The following NUDCD3 variants were observed in gnomAD, a reference collection of about 807,000 sequenced individuals.
NUDCD3 encodes the protein nudC domain-containing protein 3.
A neutral mutation model predicts 39.7 loss-of-function variants in NUDCD3; 13 were observed. That is an observed-to-expected ratio of 0.33 (90% confidence interval 0.21 to 0.52). The LOEUF (loss-of-function observed/expected upper bound fraction) is 0.52. Among genes scored for constraint, NUDCD3 ranks in the 20% least tolerant of loss-of-function variants. NUDCD3 has a pLI of 0.96. For missense variants in NUDCD3, 453 were observed against 458.1 expected, an observed-to-expected ratio of 0.99 and a Z score of 0.10; for synonymous variants, 175 against 172.4, an observed-to-expected ratio of 1.02 and a Z score of -0.12.
At chr7:44,412,939 AAAAG>A (rs1315967946) in intron 3 of NUDCD3, among the ~76,000 whole-genome samples, 12 of 145,946 alleles carry the variant, frequency 8.2e-5, no homozygotes, top group African/African-American at 3.2e-4. Flanking sequence ...AAAAAAAAAA[AAAAG>A]AAAAAAAAAA....
intron 2 of NUDCD3, among the ~76,000 whole-genome samples, chr7:44,475,771 A>C (rs1800356350): frequency 3.9e-5 from 6 of 152,158 alleles, no homozygotes; most frequent in Admixed American, 3.3e-4. Context: ...TGTCTCAAAA[A>C]AGAAAAGGGA....
chr7:44,430,526 A>G (rs1464042796), intron 2 of NUDCD3, among the ~76,000 whole-genome samples: 1 of 151,788 alleles, frequency 6.6e-6, no homozygotes, highest in African/African-American at 2.4e-5. Context: ...AAAAAAGTCA[A>G]AATTGTGAAA....
At chr7:44,479,402 G>A (rs940508969) in intron 2 of NUDCD3, among the ~76,000 whole-genome samples, 9 of 152,118 alleles carry the variant, frequency 5.9e-5, no homozygotes, top group African/African-American at 1.9e-4. Flanking sequence ...TGCATATATA[G>A]AGGCAGGAGG....
intron 5 of NUDCD3, among the ~76,000 whole-genome samples, chr7:44,387,259 C>T (rs1044516792): frequency 6.6e-6 from 1 of 152,206 alleles, no homozygotes; most frequent in Non-Finnish European, 1.5e-5. Context: ...CTCCTGGGCT[C>T]AAGCGATCCT....
At chr7:44,430,736 C>T (rs962059978) in intron 2 of NUDCD3, among the ~76,000 whole-genome samples, 5 of 152,128 alleles carry the variant, frequency 3.3e-5, no homozygotes, top group Non-Finnish European at 5.9e-5. Flanking sequence ...TCCTTGGGGA[C>T]GCTGCCGCCA....
At position 44,392,420 on chromosome 7, in the gene NUDCD3, G is replaced by A; in HGVS notation, c.852C>T (p.Asp284=). 1 of 1,614,176 alleles carries A rather than the reference G, an allele frequency of 6.2e-7. No individual in the cohort carries two copies. The change falls in exon 5 of 6, where the codon GAC becomes GAT. Residue 284 remains aspartate, a synonymous_variant. Coordinates refer to ENST00000355451, the MANE Select transcript of NUDCD3 (RefSeq NM_015332.4). ...AGCGCTCCTTGTTGATCTTGTCAAT[G>A]TCGATGGGCTCTTCTCCCTCCAGGA... The part of the protein sequence containing the change: ...NAILEGEEPI[D]IDKINKERSM...
intron 3 of NUDCD3, among the ~76,000 whole-genome samples, chr7:44,416,149 T>C (rs1799017703): frequency 6.6e-6 from 1 of 152,144 alleles, no homozygotes; most frequent in Admixed American, 6.5e-5. Flanking sequence ...AGTGGCACAA[T>C]CACAGTTCGC....
At chr7:44,455,486 C>T (rs995460212) in intron 2 of NUDCD3, among the ~76,000 whole-genome samples, 11 of 152,102 alleles carry the variant, frequency 7.2e-5, no homozygotes, top group African/African-American at 2.7e-4. Context: ...CTTCCACAAG[C>T]TCCTCACACA....
intron 3 of NUDCD3, among the ~76,000 whole-genome samples, chr7:44,409,651 G>C (rs1178227688): frequency 6.6e-6 from 1 of 151,860 alleles, no homozygotes; most frequent in East Asian, 1.9e-4. Context: ...TGTCCCTGAG[G>C]AAGCCCACAT....
Position 44,408,505 on chromosome 7 carries a change from G to A in NUDCD3, c.643-3922C>T, listed in dbSNP as rs1466988245. ...TTTTTGATAACAAGATAAAAAAGAA[G>A]GGCAGCAAGAACCCTCAGGAAAACA... is the stretch of plus-strand genomic sequence containing the variant. On this transcript the variant is annotated intron_variant, in intron 3 of 5. Transcript: ENST00000355451. Among the ~76,000 whole-genome samples, 4 of 152,168 alleles carry A rather than the reference G, an allele frequency of 2.6e-5. No individual in the cohort carries two copies. In the South Asian group the frequency reaches 6.2e-4, roughly 24 times the overall value.
chr7:44,490,613 C>T lies in NUDCD3; in HGVS notation c.-13G>A. The T allele has an allele frequency of 1.3e-6, 2 of 1,593,942 alleles. No individual in the cohort carries two copies. Among genetic ancestry groups the T allele is most frequent in the East Asian group, 4.6e-5 (2 of 43,442 alleles). Reference sequence around the variant, plus strand: ...CCCCTGTCTCCATGTCGCCTCCCGCCCTAGGTACGCTTCACACACACAGCG... The same window carrying T: ...CCCCTGTCTCCATGTCGCCTCCCGCTCTAGGTACGCTTCACACACACAGCG... On this transcript the variant is annotated 5_prime_UTR_variant, in exon 1 of 6. Transcript: ENST00000355451.
chr7:44,462,076 A>G (rs1213542267), intron 2 of NUDCD3, among the ~76,000 whole-genome samples: 2 of 152,236 alleles, frequency 1.3e-5, no homozygotes, highest in Admixed American at 1.3e-4. Context: ...AATATAGCAC[A>G]TGCAAAGCAT....
At chr7:44,469,520 T>C (rs7811435) in intron 2 of NUDCD3, among the ~76,000 whole-genome samples, 19,555 of 152,216 alleles carry the variant, frequency 0.13, 1,662 homozygotes, top group Non-Finnish European at 0.19. Flanking sequence ...GTTGCTAAGA[T>C]TAATGGTAAA....
Position 44,380,702 on chromosome 7 carries a change from G to T in NUDCD3, c.*5309C>A, listed in dbSNP as rs908740924. 1.3e-5 allele frequency: 2 copies of T among 152,250 alleles called. No homozygotes were observed. Among genetic ancestry groups the T allele is most frequent in the Non-Finnish European group, 2.9e-5 (2 of 68,080 alleles). 9.4% of individuals were successfully genotyped at this position (152,250 alleles called of 1,614,324 possible). A position where few individuals can be genotyped will look rare whatever the true frequency, so the allele number is the denominator to read the frequency against. ...GCTGGAGCTCAGCAGTCCCACTAGG[G>T]ACCACCACTGGGGTCACAAGATGGC... On this transcript the variant is annotated 3_prime_UTR_variant, in exon 6 of 6. Coordinates refer to ENST00000355451, the MANE Select transcript of NUDCD3 (RefSeq NM_015332.4).
Position 44,379,720 on chromosome 7 carries a change from G to A in NUDCD3, c.*6291C>T, listed in dbSNP as rs1431880344. On this transcript the variant is annotated 3_prime_UTR_variant, in exon 6 of 6. Transcript: ENST00000355451. ...CCTCTGGTGAGAACACTGGAGAATAGTTTAGGGGTGCCCGAGTTTCCCCCA... is the reference window on the plus strand; with the variant it reads ...CCTCTGGTGAGAACACTGGAGAATAATTTAGGGGTGCCCGAGTTTCCCCCA... 6.6e-6 allele frequency: 1 copy of A among 152,256 alleles called. No individual in the cohort carries two copies. The highest frequency in any genetic ancestry group is 1.5e-5 in the Non-Finnish European group (1 of 68,114). 9.4% of individuals were successfully genotyped at this position (152,256 alleles called of 1,614,324 possible).
At chr7:44,444,691 C>CA (rs1191477036) in intron 2 of NUDCD3, among the ~76,000 whole-genome samples, 21 of 152,136 alleles carry the variant, frequency 1.4e-4, no homozygotes, top group Middle Eastern at 3.2e-3. Flanking sequence ...GAGAAGCTCC[C>CA]ACTCCCCTCT....
chr7:44,436,626 A>T (rs549381182), intron 2 of NUDCD3, among the ~76,000 whole-genome samples: 19 of 152,288 alleles, frequency 1.2e-4, no homozygotes, highest in South Asian at 4.1e-4. Flanking sequence ...CATATATATA[A>T]AAATAGTTCT....
chr7:44,461,136 G>A (rs1800001984), intron 2 of NUDCD3, among the ~76,000 whole-genome samples: 1 of 152,160 alleles, frequency 6.6e-6, no homozygotes, highest in South Asian at 2.1e-4. Context: ...TTGCCTTCCA[G>A]GAATCCCTTC....
Position 44,379,614 on chromosome 7 carries a change from T to C in NUDCD3, c.*6397A>G, listed in dbSNP as rs1189616749. 6.6e-6 allele frequency: 1 copy of C among 152,286 alleles called. No individual in the cohort carries two copies. Among genetic ancestry groups the C allele is most frequent in the African/African-American group, 2.4e-5 (1 of 41,390 alleles). The allele number at this position is 152,286 out of a possible 1,614,324, so 9.4% of individuals were successfully genotyped here. A position where few individuals can be genotyped will look rare whatever the true frequency, so the allele number is the denominator to read the frequency against. On this transcript the variant is annotated 3_prime_UTR_variant, in exon 6 of 6. Coordinates refer to ENST00000355451, the MANE Select transcript of NUDCD3 (RefSeq NM_015332.4). ...TTGCTGTCTGGATATCACTTGACTT[T>C]TGGGTGTGGTTGGTGTTGCTTTAAG...
Sources: gnomAD v4.1 joint callset for allele counts (sites outside exome capture counted in the v4.1 genomes callset) on GRCh38, gnomAD v4.1.1 for gene constraint, MANE v1.5 for transcripts, NCBI Gene and HGNC (gene_info 2026-07-23, HGNC 2026-07-21) for gene names.